LUZP2: variants seen among roughly 807,000 people sequenced by gnomAD.
LUZP2 encodes the protein leucine zipper protein 2.
Under a neutral mutation model 51.6 loss-of-function variants are expected in LUZP2, and 52 were observed. The observed-to-expected ratio is 1.01, with a 90% CI of 0.81 to 1.27. The LOEUF (loss-of-function observed/expected upper bound fraction) is 1.27, where lower values mean the gene tolerates loss of function less well. Among genes scored for constraint, LUZP2 ranks in the 50% most tolerant of loss-of-function variants. LUZP2 has a pLI of 0.00. For missense variants in LUZP2, 436 were observed against 395.4 expected, an observed-to-expected ratio of 1.10 and a Z score of -0.87; for synonymous variants, 154 against 137.3, an observed-to-expected ratio of 1.12 and a Z score of -0.85.
At chr11:24,865,102 G>T (rs1315212666) in intron 5 of LUZP2, among the ~76,000 whole-genome samples, 1 of 152,148 alleles carries the variant, frequency 6.6e-6, no homozygotes. Flanking sequence ...ACTAAGGTTA[G>T]TTTATAGCAT....
At chr11:24,527,459 T>C (rs1850841587) in intron 1 of LUZP2, among the ~76,000 whole-genome samples, 1 of 151,334 alleles carries the variant, frequency 6.6e-6, no homozygotes. Context: ...CAAGTAGTTG[T>C]ACATCTGGAT....
chr11:25,072,066 A>G (rs900475158), intron 10 of LUZP2, among the ~76,000 whole-genome samples: 4 of 152,006 alleles, frequency 2.6e-5, no homozygotes, highest in African/African-American at 7.2e-5. Context: ...TTTTCAGTTG[A>G]TTAAATTAAA....
intron 4 of LUZP2, 70 bp from the exon 5 acceptor site, chr11:24,763,176 A>G (rs1198938297): frequency 2.8e-6 from 2 of 710,072 alleles, no homozygotes; most frequent in African/African-American, 1.9e-5. Context: ...TCTCAAAATA[A>G]TGAAAAAAAT....
chr11:24,984,420 A>T (rs1421038362), intron 9 of LUZP2, among the ~76,000 whole-genome samples: 1 of 150,076 alleles, frequency 6.7e-6, no homozygotes. Flanking sequence ...AGTCTGTATG[A>T]GATCCTTATG....
chr11:25,075,668 T>C (rs1330216353), intron 10 of LUZP2, among the ~76,000 whole-genome samples: 1 of 152,060 alleles, frequency 6.6e-6, no homozygotes, highest in Admixed American at 6.6e-5. Context: ...GTAGAAAAGA[T>C]AAATTATGGC....
At chr11:24,579,229 T>C (rs1852765519) in intron 1 of LUZP2, among the ~76,000 whole-genome samples, 2 of 152,162 alleles carry the variant, frequency 1.3e-5, no homozygotes, top group Admixed American at 6.5e-5. Flanking sequence ...TTTTCCTTTA[T>C]AACTAAAACC....
At chr11:24,725,854 G>A (rs1275035882) in intron 1 of LUZP2, among the ~76,000 whole-genome samples, 5 of 152,114 alleles carry the variant, frequency 3.3e-5, no homozygotes, top group Non-Finnish European at 7.4e-5. Flanking sequence ...AATATGACTA[G>A]TGTTCTTATG....
intron 10 of LUZP2, among the ~76,000 whole-genome samples, chr11:25,073,548 T>C (rs761609731): frequency 2.9e-5 from 3 of 103,718 alleles, no homozygotes; most frequent in Admixed American, 1.2e-4. Flanking sequence ...AAAGCTTATT[T>C]CTCTTTTTAA....
At chr11:24,812,858 A>T (rs992321813) in intron 5 of LUZP2, among the ~76,000 whole-genome samples, 1 of 152,210 alleles carries the variant, frequency 6.6e-6, no homozygotes, top group Admixed American at 6.5e-5. Flanking sequence ...CTCGCTAGGC[A>T]TATTCACATC....
chr11:24,879,233 C>G (rs1327660355), intron 5 of LUZP2, among the ~76,000 whole-genome samples: 1 of 152,088 alleles, frequency 6.6e-6, no homozygotes, highest in African/African-American at 2.4e-5. Flanking sequence ...CGTGAGGCAC[C>G]CTGCCCAGCT....
intron 1 of LUZP2, among the ~76,000 whole-genome samples, chr11:24,567,411 A>G (rs1004170682): frequency 2.0e-5 from 3 of 152,194 alleles, no homozygotes; most frequent in Non-Finnish European, 2.9e-5. Context: ...AAATGAACAG[A>G]TTTTTTAAAT....
At chr11:24,859,059 A>G (rs1345353021) in intron 5 of LUZP2, among the ~76,000 whole-genome samples, 1 of 152,298 alleles carries the variant, frequency 6.6e-6, no homozygotes, top group African/African-American at 2.4e-5. Flanking sequence ...TTACTCACCC[A>G]TTATTAGGTT....
intron 1 of LUZP2, among the ~76,000 whole-genome samples, chr11:24,594,798 C>G: frequency 8.3e-6 from 1 of 121,050 alleles, no homozygotes; most frequent in Non-Finnish European, 1.6e-5. Flanking sequence ...CTTGCTCTGT[C>G]GCTCAGGCTG....
intron 5 of LUZP2, among the ~76,000 whole-genome samples, chr11:24,827,043 CAG>C (rs1490962516): frequency 6.6e-6 from 1 of 151,830 alleles, no homozygotes; most frequent in East Asian, 1.9e-4. Flanking sequence ...AAAAATAAGA[CAG>C]ATACAAATTT....
chr11:24,777,573 C>G (rs886552568), intron 5 of LUZP2, among the ~76,000 whole-genome samples: 2 of 152,056 alleles, frequency 1.3e-5, no homozygotes, highest in African/African-American at 4.8e-5. Flanking sequence ...GTTTCAATGA[C>G]AAAATAGTAA....
intron 1 of LUZP2, among the ~76,000 whole-genome samples, chr11:24,551,953 A>G (rs888603890): frequency 1.3e-5 from 2 of 151,962 alleles, no homozygotes; most frequent in Non-Finnish European, 2.9e-5. Flanking sequence ...CAACTACAAC[A>G]TAAACAAAAC....
chr11:24,799,832 ATATTT>A (rs1297215528), intron 5 of LUZP2, among the ~76,000 whole-genome samples: 1 of 152,182 alleles, frequency 6.6e-6, no homozygotes, highest in Admixed American at 6.5e-5. Context: ...TACAAAAGTA[ATATTT>A]TAGTAGTAGT....
At chr11:24,533,330 T>G (rs1851072048) in intron 1 of LUZP2, among the ~76,000 whole-genome samples, 1 of 151,344 alleles carries the variant, frequency 6.6e-6, no homozygotes, top group Admixed American at 6.6e-5. Context: ...TCGGATCTTT[T>G]TTAACTTTGT....
chr11:25,027,161 A>G (rs1443243039), intron 9 of LUZP2, among the ~76,000 whole-genome samples: 5 of 152,112 alleles, frequency 3.3e-5, no homozygotes, highest in Admixed American at 3.3e-4. Flanking sequence ...GCAAAAGAAA[A>G]TAAATCATTG....
Sources: allele counts gnomAD v4.1 joint callset (sites outside exome capture counted in the v4.1 genomes callset), GRCh38; gene constraint gnomAD v4.1.1; transcripts MANE v1.5; gene names NCBI Gene and HGNC (gene_info 2026-07-23, HGNC 2026-07-21).